Variants in ALMS1 observed in about 807,000 individuals in gnomAD.
The protein encoded by ALMS1 is centrosome-associated protein ALMS1.
In ALMS1, 271 loss-of-function variants were observed where a neutral mutation model predicts 352.2. That is an observed-to-expected ratio of 0.77 (90% confidence interval 0.70 to 0.85). ALMS1 has a LOEUF of 0.85. ALMS1 is among the 40% of genes least tolerant of loss of function. ALMS1 has a pLI of 0.00. For synonymous variants in ALMS1, 1,865 were observed against 1,761.2 expected, an observed-to-expected ratio of 1.06 and a Z score of -1.48; for missense variants, 5,445 against 4,870.7, an observed-to-expected ratio of 1.12 and a Z score of -3.51.
intron 12 of ALMS1, among the ~76,000 whole-genome samples, chr2:73,547,435 A>C (rs1035848766): frequency 1.3e-5 from 2 of 152,100 alleles, no homozygotes; most frequent in Non-Finnish European, 2.9e-5. Context: ...TCTTGTTTTT[A>C]GAAAAAACTG....
intron 1 of ALMS1, among the ~76,000 whole-genome samples, chr2:73,405,206 G>T (rs781047229): frequency 6.6e-6 from 1 of 151,956 alleles, no homozygotes; most frequent in African/African-American, 2.4e-5. Flanking sequence ...GAGCCACTGC[G>T]CCTGGCCATG....
Position 73,603,101 on chromosome 2 carries a change from G to C in ALMS1, c.12299-140G>C. 3 of 754,884 alleles carry C rather than the reference G, an allele frequency of 4.0e-6. No individual in the cohort carries two copies. In the East Asian group the frequency reaches 8.0e-5, roughly 20 times the overall value. The allele number at this position is 754,884 out of a possible 1,614,324, so 46.8% of individuals were successfully genotyped here. ...TGTTACCCTAGTCTTACACTGGCTTGCCTTGGTCATTGCTCCCCACTCAGT... is the reference window on the plus strand; with the variant it reads ...TGTTACCCTAGTCTTACACTGGCTTCCCTTGGTCATTGCTCCCCACTCAGT... On this transcript the variant is annotated intron_variant, in intron 20 of 22. Coordinates refer to ENST00000613296, the MANE Select transcript of ALMS1 (RefSeq NM_001378454.1).
At position 73,451,921 on chromosome 2, in the gene ALMS1, A is replaced by G. The variant is rs1269563462; in HGVS notation, c.5394A>G (p.Val1798=). The G allele has an allele frequency of 2.5e-6, 4 of 1,614,122 alleles. No individual in the cohort carries two copies. Among genetic ancestry groups the G allele is most frequent in the Non-Finnish European group, 2.5e-6 (3 of 1,179,990 alleles). Residue 1798 remains valine, a synonymous_variant, in exon 8 of 23, where the codon GTA becomes GTG. Transcript: ENST00000613296. ...VPGPADQKTG[V]STVTSTSYSH... ...GACCAGCTGACCAGAAGACTGGGGT[A>G]TCAACAGTAACCTCTACTTCCTACT...
At chr2:73,497,924 G>GT (rs1424954322) in intron 10 of ALMS1, among the ~76,000 whole-genome samples, 4 of 151,598 alleles carry the variant, frequency 2.6e-5, no homozygotes, top group African/African-American at 9.7e-5. Context: ...GGTTTGCTGA[G>GT]TTTTTTTAAG....
intron 16 of ALMS1, among the ~76,000 whole-genome samples, chr2:73,579,058 T>A (rs1675113315): frequency 7.6e-6 from 1 of 131,614 alleles, no homozygotes; most frequent in African/African-American, 3.5e-5. Context: ...AATTTCTCCT[T>A]TATTCTTTTT....
At chr2:73,603,171 T>C in intron 20 of ALMS1, 70 bp from the exon 21 acceptor site, 1 of 1,481,404 alleles carries the variant, frequency 6.8e-7, no homozygotes, top group South Asian at 1.1e-5. Flanking sequence ...CAGCTCCCTC[T>C]CCCAGCTCTT....
At chr2:73,480,215 A>C (rs904420835) in intron 9 of ALMS1, among the ~76,000 whole-genome samples, 5 of 152,062 alleles carry the variant, frequency 3.3e-5, no homozygotes, top group African/African-American at 1.2e-4. Flanking sequence ...TCCTAATGCT[A>C]TCCGTCCCCA....
intron 7 of ALMS1, among the ~76,000 whole-genome samples, chr2:73,434,546 A>G (rs1009732179): frequency 1.3e-5 from 2 of 152,196 alleles, no homozygotes; most frequent in Non-Finnish European, 2.9e-5. Context: ...CTTGAGAAGA[A>G]TGTGTATTCT....
intron 10 of ALMS1, among the ~76,000 whole-genome samples, chr2:73,496,068 T>C (rs1436182890): frequency 6.6e-6 from 1 of 152,252 alleles, no homozygotes; most frequent in African/African-American, 2.4e-5. Flanking sequence ...ATTTATAATA[T>C]AGATTCATTA....
intron 9 of ALMS1, among the ~76,000 whole-genome samples, chr2:73,482,354 G>C (rs1416583115): frequency 6.6e-6 from 1 of 152,088 alleles, no homozygotes; most frequent in Non-Finnish European, 1.5e-5. Flanking sequence ...TTTTGTCTTT[G>C]GCTCTGTTTA....
rs137932254 is a variant in ALMS1 at position 73,490,404 on chromosome 2, A to G, written c.8445A>G (p.Ser2815=). The G allele has an allele frequency of 2.8e-3, 4,491 of 1,614,158 alleles. 6 individuals are homozygous for G. Among genetic ancestry groups the G allele is most frequent in the Non-Finnish European group, 3.3e-3 (3,953 of 1,180,018 alleles). ...AAGAAGAAAAACCCTTAGAAAGATC[A>G]GATTTTACAGGCAGTCATTCTGAGC... The part of the protein sequence containing the change: ...SFQEEKPLER[S]DFTGSHSEPS... Residue 2815 remains serine (S), a synonymous_variant, in exon 10 of 23, where the codon TCA becomes TCG. Transcript: ENST00000613296.
chr2:73,489,849 T>G lies in ALMS1; in HGVS notation c.7890T>G (p.Ser2630=). 1 of 1,614,250 alleles carries G rather than the reference T, an allele frequency of 6.2e-7. No homozygotes were observed. The highest frequency in any genetic ancestry group is 8.5e-7 in the Non-Finnish European group (1 of 1,180,042). The change falls in exon 10 of 23, where the codon TCT becomes TCG. Residue 2630 remains serine, a synonymous_variant. Coordinates refer to ENST00000613296, the MANE Select transcript of ALMS1 (RefSeq NM_001378454.1). ...GCAGAGCCAAGCATGTCAACCTTTC[T>G]GCATCCTTAGACCAGAACAACTCCC... The part of the protein sequence containing the change: ...SSCRAKHVNL[S]ASLDQNNSHF...
intron 9 of ALMS1, among the ~76,000 whole-genome samples, chr2:73,485,481 T>G (rs1026138417): frequency 3.3e-5 from 5 of 152,044 alleles, no homozygotes; most frequent in Non-Finnish European, 7.4e-5. Context: ...TCTTCAAAGC[T>G]GTCAGACAGG....
intron 12 of ALMS1, among the ~76,000 whole-genome samples, chr2:73,537,757 A>G (rs1234166811): frequency 6.6e-6 from 1 of 152,186 alleles, no homozygotes; most frequent in Non-Finnish European, 1.5e-5. Flanking sequence ...CTGTAATGCC[A>G]GCACTTTGGG....
chr2:73,490,342 A>G lies in ALMS1; in HGVS notation c.8383A>G (p.Ser2795Gly), dbSNP rs758018453. 4 of 1,612,448 alleles carry G rather than the reference A, an allele frequency of 2.5e-6. No homozygotes were observed. In the South Asian group the frequency reaches 4.4e-5, roughly 18 times the overall value. The change falls in exon 10 of 23, where the codon AGC (serine) becomes GGC (glycine). Residue 2795 changes from serine to glycine, a missense_variant. Coordinates refer to ENST00000613296, the MANE Select transcript of ALMS1 (RefSeq NM_001378454.1). ...TATTTTAGCAGAAGGTAGAAGGCAA[A>G]GCCAAAAATTACCTGTTGATTTTGA... ...VTILAEGRRQ[S>G]QKLPVDFERS... is the part of the protein sequence containing the mutation.
chr2:73,489,555 A>C lies in ALMS1; in HGVS notation c.7675-79A>C, dbSNP rs899089856. 16 of 1,543,176 alleles carry C rather than the reference A, an allele frequency of 1.0e-5. No homozygotes were observed. In the South Asian group the frequency reaches 1.8e-4, roughly 17 times the overall value. On this transcript the variant is annotated intron_variant, in intron 9 of 22. Coordinates refer to ENST00000613296, the MANE Select transcript of ALMS1 (RefSeq NM_001378454.1). ...TGGTCTAATCTTAGCGTGGGTATAAAACTGATTTGTATAAAACTGATTTGT... is the reference window on the plus strand; with the variant it reads ...TGGTCTAATCTTAGCGTGGGTATAACACTGATTTGTATAAAACTGATTTGT...
chr2:73,455,270 A>G lies in ALMS1; in HGVS notation c.7649A>G (p.His2550Arg). 2 of 1,614,144 alleles carry G rather than the reference A, an allele frequency of 1.2e-6. No individual in the cohort carries two copies. Among genetic ancestry groups the G allele is most frequent in the Non-Finnish European group, 8.5e-7 (1 of 1,179,994 alleles). The change falls in exon 9 of 23, where the codon CAT (histidine) becomes CGT (arginine). Residue 2550 changes from histidine (H) to arginine (R), a missense_variant. Coordinates refer to ENST00000613296, the MANE Select transcript of ALMS1 (RefSeq NM_001378454.1). ...VEEIKAELFG[H>R]GRTTDLSKGL... ...GAGATCAAGGCAGAGTTATTTGGTC[A>G]TGGAAGAACAACTGACTTGTCCAAG... is the stretch of plus-strand genomic sequence containing the variant.
In ALMS1 at chr2:73,450,005, C is replaced by G. The variant is rs1164554577; in HGVS notation, c.3478C>G (p.Pro1160Ala). ...KPSIFHQQAL[P>A]GTHIPEEAQK... ...CAGCATTTTCCACCAGCAGGCCTTG[C>G]CAGGTACTCATATACCTGAAGAGGC... Residue 1160 changes from proline (P) to alanine (A), a missense_variant, in exon 8 of 23, where the codon CCA becomes GCA. Pro to Ala is a conservative substitution (Grantham distance 27). Transcript: ENST00000613296. 6.2e-7 allele frequency: 1 copy of G among 1,613,892 alleles called. No homozygotes were observed. Among genetic ancestry groups the G allele is most frequent in the African/African-American group, 1.3e-5 (1 of 74,952 alleles).
At chr2:73,500,965 A>G (rs562623050) in intron 10 of ALMS1, among the ~76,000 whole-genome samples, 2 of 152,244 alleles carry the variant, frequency 1.3e-5, no homozygotes, top group African/African-American at 4.8e-5. Context: ...TGCATATGTG[A>G]GTTTCAGTTA....
Sources: gnomAD v4.1 joint callset for allele counts (sites outside exome capture counted in the v4.1 genomes callset) on GRCh38, gnomAD v4.1.1 for gene constraint, MANE v1.5 for transcripts, NCBI Gene and HGNC (gene_info 2026-07-23, HGNC 2026-07-21) for gene names.